The following DNAH5 variants were observed in gnomAD, a reference collection of about 807,000 sequenced individuals.
DNAH5 encodes the protein dynein axonemal heavy chain 5.
DNAH5 carries 372 observed loss-of-function variants against 518.2 expected under a neutral mutation model. The observed-to-expected ratio is 0.72, with a 90% CI of 0.66 to 0.78. The LOEUF (loss-of-function observed/expected upper bound fraction) is 0.78, where lower values mean the gene tolerates loss of function less well. DNAH5 is among the 30% of genes least tolerant of loss of function. The pLI is 0.00. For synonymous variants in DNAH5, 2,039 were observed against 2,025.9 expected (o/e 1.01, Z -0.17); for missense variants, 5,523 against 5,687.0 (o/e 0.97, Z 0.93).
rs1301306801 is a variant in DNAH5 at position 13,916,365 on chromosome 5, T to A, written c.1180A>T (p.Thr394Ser). The A allele has an allele frequency of 6.7e-7, 1 of 1,496,276 alleles. No homozygotes were observed. 92.7% of individuals were successfully genotyped at this position (1,496,276 alleles called of 1,614,324 possible). Residue 394 changes from threonine (T) to serine (S), a missense_variant, in exon 9 of 79, where the codon ACA (threonine) becomes TCA (serine). Thr to Ser is a moderately conservative substitution (Grantham distance 58, BLOSUM62 1). This residue lies in a region of DNAH5 where 5,121 missense variants were observed against 5,223.3 expected (regional missense o/e 0.98). Transcript: ENST00000265104. Reference protein sequence around the residue: ...SHYYNTSEKITSLFVKVTNQI... With the variant: ...SHYYNTSEKISSLFVKVTNQI... ...GCACTTACCTTTACAAACAGAGATG[T>A]GATCTTCTCAGAGGTATTATAGTAA...
Position 13,714,559 on chromosome 5 carries a change from T to C in DNAH5, c.12971A>G (p.Tyr4324Cys), listed in dbSNP as rs747257258. The part of the protein sequence containing the change: ...FGLHPNADIT[Y>C]QSKLAKDVLD... ...CACGTCCTTGGCCAGCTTGCTCTGGTAGGTGATGTCAGCATTGGGGTGCAG... is the reference window on the plus strand; with the variant it reads ...CACGTCCTTGGCCAGCTTGCTCTGGCAGGTGATGTCAGCATTGGGGTGCAG... Residue 4324 changes from tyrosine to cysteine, a missense_variant, in exon 75 of 79, where the codon TAC becomes TGC. Transcript: ENST00000265104. The C allele has an allele frequency of 6.2e-7, 1 of 1,614,180 alleles. No individual in the cohort carries two copies. The highest frequency in any genetic ancestry group is 1.1e-5 in the South Asian group (1 of 91,090).
chr5:13,720,934 C>T (rs754387918), intron 71 of DNAH5, 66 bp downstream of exon 71: 125 of 1,604,666 alleles, frequency 7.8e-5, no homozygotes, highest in Non-Finnish European at 1.0e-4. Context: ...TATTTTTCTT[C>T]TGCATTGCTA....
At chr5:13,721,631 T>C (rs112643982) in intron 70 of DNAH5, among the ~76,000 whole-genome samples, 2,412 of 152,362 alleles carry the variant, frequency 0.016, 42 homozygotes, top group Middle Eastern at 0.041. Flanking sequence ...ATACCTAGAA[T>C]GTAATGGGTA....
chr5:13,694,304 T>C (rs1363127902), intron 78 of DNAH5, among the ~76,000 whole-genome samples: 1 of 152,256 alleles, frequency 6.6e-6, no homozygotes, highest in Non-Finnish European at 1.5e-5. Flanking sequence ...AAGGTGCTCA[T>C]GCCAAGTCAC....
chr5:13,739,155 G>A (rs375561821), intron 65 of DNAH5, among the ~76,000 whole-genome samples: 1 of 152,022 alleles, frequency 6.6e-6, no homozygotes, highest in African/African-American at 2.4e-5. Flanking sequence ...TTCTCAATTG[G>A]GTACTCTGGA....
chr5:13,722,844 T>G (rs575655835), intron 70 of DNAH5, among the ~76,000 whole-genome samples: 1 of 152,220 alleles, frequency 6.6e-6, no homozygotes, highest in Non-Finnish European at 1.5e-5. Context: ...CATGCCAACT[T>G]TGTAGAATAC....
rs1454478168 is a variant in DNAH5 at position 13,829,410 on chromosome 5, T to C, written c.6444+100A>G. On this transcript the variant is annotated intron_variant, in intron 38 of 78. Transcript: ENST00000265104. The stretch of plus-strand genomic sequence containing the variant: ...TTCTACTCAGTGTCAATAAAATCCT[T>C]TGTCAACAAGCCCAGTCTAGAATTT... 4.0e-6 allele frequency: 5 copies of C among 1,245,440 alleles called. No individual in the cohort carries two copies. The East Asian group carries it at 1.2e-4, about 30-fold the overall frequency. 77.1% of individuals were successfully genotyped at this position (1,245,440 alleles called of 1,614,324 possible).
At position 13,835,512 on chromosome 5, in the gene DNAH5, C is replaced by A. The variant is rs868217415; in HGVS notation, c.5882+3844G>T. 2.4e-4 allele frequency among the ~76,000 whole-genome samples: 37 copies of A among 152,276 alleles called. No homozygotes were observed. The Middle Eastern group carries it at 0.01, about 42-fold the overall frequency. The stretch of plus-strand genomic sequence containing the variant: ...TCCCACCCTCTTCTCCTTGTCACCA[C>A]GTGCGCCAAGCATCATGGCTGCCTC... On this transcript the variant is annotated intron_variant, in intron 35 of 78. Transcript: ENST00000265104.
In DNAH5 at chr5:13,776,554, G is replaced by A; in HGVS notation, c.9258C>T (p.Leu3086=). The change falls in exon 55 of 79, where the codon CTC becomes CTT. Residue 3086 remains leucine, a synonymous_variant. Coordinates refer to ENST00000265104, the MANE Select transcript of DNAH5 (RefSeq NM_001369.3). ...ATTTCTCCCCCACTGGCGAGAAGCAGAGCACAATATGAAGGTTCTGTCGGA... is the reference window on the plus strand; with the variant it reads ...ATTTCTCCCCCACTGGCGAGAAGCAAAGCACAATATGAAGGTTCTGTCGGA... ...SRVRQNLHIV[L]CFSPVGEKFR... 1 of 1,613,938 alleles carries A rather than the reference G, an allele frequency of 6.2e-7. No homozygotes were observed.
chr5:13,845,284 T>C (rs1305755071), intron 31 of DNAH5, among the ~76,000 whole-genome samples: 1 of 151,462 alleles, frequency 6.6e-6, no homozygotes, highest in Non-Finnish European at 1.5e-5. Context: ...TTGTATATAC[T>C]AGGTAGAGAG....
Position 13,840,917 on chromosome 5 carries a change from A to G in DNAH5, c.5698T>C (p.Phe1900Leu), listed in dbSNP as rs773368668. The part of the protein sequence containing the change: ...ITIHVHQRDI[F>L]DDLCHMHIKS... ...TATAAAGAATTTACCAGGTCATCAA[A>G]GATATCCCTTTGGTGCACATGAATA... The change falls in exon 34 of 79, where the codon TTT (phenylalanine) becomes CTT (leucine). Residue 1900 changes from phenylalanine to leucine, a missense_variant. Phe to Leu is a conservative substitution (Grantham distance 22, BLOSUM62 0). This residue lies in a region of DNAH5 where 5,121 missense variants were observed against 5,223.3 expected (regional missense o/e 0.98). Coordinates refer to ENST00000265104, the MANE Select transcript of DNAH5 (RefSeq NM_001369.3). 1.2e-6 allele frequency: 2 copies of G among 1,613,932 alleles called. No individual in the cohort carries two copies. Among genetic ancestry groups the G allele is most frequent in the Non-Finnish European group, 1.7e-6 (2 of 1,179,794 alleles).
At chr5:13,841,189 A>T in intron 33 of DNAH5, 59 bp from the exon 34 acceptor site, 1 of 1,325,190 alleles carries the variant, frequency 7.5e-7, no homozygotes, top group Non-Finnish European at 1.1e-6. Context: ...ATTTAAATAG[A>T]AATACAATGT....
At chr5:13,862,077 C>T (rs557693457) in intron 29 of DNAH5, among the ~76,000 whole-genome samples, 20 of 151,044 alleles carry the variant, frequency 1.3e-4, no homozygotes, top group Non-Finnish European at 2.7e-4. Context: ...AAAGGTTTTT[C>T]GAGTAAAATG....
chr5:13,973,068 G>A (rs187503609), intron 1 of DNAH5, among the ~76,000 whole-genome samples: 69 of 152,308 alleles, frequency 4.5e-4, no homozygotes, highest in Non-Finnish European at 6.5e-4. Context: ...AGGGGGAGAT[G>A]AGCCTGGATT....
intron 29 of DNAH5, 91 bp from the exon 30 acceptor site, chr5:13,859,696 C>A (rs1214907592): frequency 2.3e-6 from 3 of 1,326,340 alleles, no homozygotes; most frequent in African/African-American, 1.5e-5. Context: ...TAATTTTTAA[C>A]CGCTTTCTTT....
chr5:13,786,747 C>T (rs1756091294), intron 51 of DNAH5, among the ~76,000 whole-genome samples: 1 of 152,060 alleles, frequency 6.6e-6, no homozygotes, highest in Admixed American at 6.5e-5. Context: ...AAGGTTATTG[C>T]ATTTACTCAG....
chr5:13,883,586 A>G (rs1771965624), intron 19 of DNAH5, among the ~76,000 whole-genome samples: 1 of 152,234 alleles, frequency 6.6e-6, no homozygotes, highest in South Asian at 2.1e-4. Flanking sequence ...GAAAAGAAAT[A>G]AAGTGTAATT....
intron 53 of DNAH5, among the ~76,000 whole-genome samples, chr5:13,777,837 G>GT (rs1262940319): frequency 1.3e-5 from 2 of 152,096 alleles, no homozygotes; most frequent in Non-Finnish European, 2.9e-5. Context: ...ATCATTGCAT[G>GT]TTTGTATTAT....
At chr5:13,841,160 T>C (rs1765104942) in intron 33 of DNAH5, 30 bp from the exon 34 acceptor site, 3 of 1,511,288 alleles carry the variant, frequency 2.0e-6, no homozygotes, top group Admixed American at 1.7e-5. Flanking sequence ...CTTCATGAAT[T>C]TGTATGGCAT....
Sources: gnomAD v4.1 joint callset for allele counts (sites outside exome capture counted in the v4.1 genomes callset) on GRCh38, gnomAD v4.1.1 for gene constraint, gnomAD v4.1.1 regional missense constraint, MANE v1.5 for transcripts, NCBI Gene and HGNC (gene_info 2026-07-23, HGNC 2026-07-21) for gene names.